Variants in PPEF1 observed in about 807,000 individuals in gnomAD.
The protein encoded by PPEF1 is protein phosphatase with EF-hand domain 1.
Under a neutral mutation model 53.3 loss-of-function variants are expected in PPEF1, and 12 were observed. The ratio of observed to expected loss-of-function variants is 0.23; its 90% CI spans 0.14 to 0.36. The LOEUF (loss-of-function observed/expected upper bound fraction) is 0.36. PPEF1 is among the 10% of genes least tolerant of loss of function. The pLI, the probability that PPEF1 is intolerant of heterozygous loss-of-function variation, is 1.00. For missense variants in PPEF1, 334 were observed against 490.4 expected, an observed-to-expected ratio of 0.68 and a Z score of 3.01; for synonymous variants, 165 against 176.7, an observed-to-expected ratio of 0.93 and a Z score of 0.52.
intron 5 of PPEF1, among the ~76,000 whole-genome samples, chrX:18,759,872 A>G (rs2045623528): frequency 8.9e-6 from 1 of 112,354 alleles, no homozygotes; most frequent in Non-Finnish European, 1.9e-5. Flanking sequence ...ATTAAATTGT[A>G]TAGTAATTAA....
intron 10 of PPEF1, among the ~76,000 whole-genome samples, chrX:18,791,829 G>A (rs1171527113): frequency 1.8e-5 from 2 of 111,983 alleles, no homozygotes; most frequent in African/African-American, 6.5e-5. Flanking sequence ...GTTTGTAGTG[G>A]CCTTTTATTA....
chrX:18,763,072 G>A (rs983191719), intron 6 of PPEF1, among the ~76,000 whole-genome samples: 3 of 111,881 alleles, frequency 2.7e-5, no homozygotes, highest in Non-Finnish European at 5.6e-5. Flanking sequence ...ATATGTCTAC[G>A]TGTAAGTGTG....
intron 10 of PPEF1, among the ~76,000 whole-genome samples, chrX:18,797,732 C>T (rs768074372): frequency 1.8e-5 from 2 of 111,346 alleles, no homozygotes; most frequent in African/African-American, 3.3e-5. Flanking sequence ...GACGGAGTCT[C>T]GTTCTGTCGC....
At chrX:18,721,033 C>G (rs2044579447) in intron 1 of PPEF1, among the ~76,000 whole-genome samples, 1 of 111,449 alleles carries the variant, frequency 9.0e-6, no homozygotes, top group South Asian at 3.8e-4. Context: ...ATCTCCCAGC[C>G]TCCAGTTTTA....
chrX:18,720,601 A>C (rs1165458187), intron 1 of PPEF1, among the ~76,000 whole-genome samples: 1 of 111,563 alleles, frequency 9.0e-6, no homozygotes, highest in Non-Finnish European at 1.9e-5. Flanking sequence ...CAAAAAAAAA[A>C]CAAAAATTTC....
intron 9 of PPEF1, among the ~76,000 whole-genome samples, chrX:18,784,376 G>T (rs1308671947): frequency 2.7e-5 from 3 of 111,247 alleles, no homozygotes; most frequent in African/African-American, 6.5e-5. Context: ...CATTTATATT[G>T]TGGTAAAATA....
chrX:18,713,479 A>G (rs2044374700), intron 1 of PPEF1, among the ~76,000 whole-genome samples: 2 of 100,224 alleles, frequency 2.0e-5, no homozygotes, highest in African/African-American at 7.4e-5. Flanking sequence ...GGGCAAACCC[A>G]TATGGAGTGC....
intron 10 of PPEF1, among the ~76,000 whole-genome samples, chrX:18,793,040 A>G (rs1333758357): frequency 9.3e-6 from 1 of 107,897 alleles, no homozygotes; most frequent in African/African-American, 3.4e-5. Flanking sequence ...CTGCCTCATA[A>G]TCTTTATCAT....
chrX:18,797,167 A>T (rs1402011832), intron 10 of PPEF1, among the ~76,000 whole-genome samples: 1 of 112,327 alleles, frequency 8.9e-6, no homozygotes, highest in East Asian at 2.8e-4. Context: ...TTCCTGGTAC[A>T]TAGTGGATAA....
intron 13 of PPEF1, 49 bp downstream of exon 13, chrX:18,818,194 T>C: frequency 1.2e-6 from 1 of 826,145 alleles, no homozygotes; most frequent in Non-Finnish European, 1.7e-6. Context: ...CCAAGTTACA[T>C]ACAGATCACT....
intron 10 of PPEF1, among the ~76,000 whole-genome samples, chrX:18,797,460 G>A (rs1012132635): frequency 1.8e-5 from 2 of 110,828 alleles, no homozygotes; most frequent in African/African-American, 6.6e-5. Context: ...GGCCAGAAAG[G>A]TTTCAAAAAT....
intron 5 of PPEF1, among the ~76,000 whole-genome samples, chrX:18,760,998 C>CT (rs757376608): frequency 1.8e-5 from 2 of 110,258 alleles, no homozygotes; most frequent in East Asian, 5.7e-4. Context: ...CCAGGCTGGT[C>CT]TTGAACTCCT....
chrX:18,776,779 G>A (rs767416075), intron 6 of PPEF1, among the ~76,000 whole-genome samples: 5 of 111,187 alleles, frequency 4.5e-5, no homozygotes, highest in Non-Finnish European at 7.5e-5. Context: ...AATTAGCCAG[G>A]CGTGGTGGCA....
intron 3 of PPEF1, among the ~76,000 whole-genome samples, chrX:18,741,548 A>G (rs2045161535): frequency 9.0e-6 from 1 of 111,259 alleles, no homozygotes; most frequent in Non-Finnish European, 1.9e-5. Context: ...ATGACTCAGT[A>G]CATTTTCTCA....
chrX:18,784,823 G>A (rs1245296752), intron 9 of PPEF1, among the ~76,000 whole-genome samples: 1 of 111,286 alleles, frequency 9.0e-6, no homozygotes, highest in Non-Finnish European at 1.9e-5. Flanking sequence ...TGGTGACTGT[G>A]AAGATCTCAC....
At chrX:18,733,842 A>G (rs2044897599) in intron 3 of PPEF1, 34 bp downstream of exon 3, 2 of 1,067,978 alleles carry the variant, frequency 1.9e-6, no homozygotes, top group Non-Finnish European at 2.5e-6. Flanking sequence ...CAAATGTGTC[A>G]TTAAATATTG....
chrX:18,731,021 G>C (rs1423882088), intron 2 of PPEF1, among the ~76,000 whole-genome samples: 1 of 112,291 alleles, frequency 8.9e-6, no homozygotes, highest in Admixed American at 9.5e-5. Flanking sequence ...GGCCAAGGAA[G>C]GCCTTTTTAA....
intron 1 of PPEF1, among the ~76,000 whole-genome samples, chrX:18,720,317 C>T (rs184905355): frequency 2.1e-4 from 23 of 111,782 alleles, no homozygotes; most frequent in South Asian, 1.1e-3. Flanking sequence ...TTCAGCCGGG[C>T]GCAGTGGCTC....
chrX:18,735,608 T>C (rs1332779458), intron 3 of PPEF1, among the ~76,000 whole-genome samples: 2 of 111,931 alleles, frequency 1.8e-5, no homozygotes, highest in Non-Finnish European at 3.8e-5. Context: ...CTTGGCAATG[T>C]GGGCTCTTTT....
Sources: gnomAD v4.1 joint callset for allele counts (sites outside exome capture counted in the v4.1 genomes callset) on GRCh38, gnomAD v4.1.1 for gene constraint, MANE v1.5 for transcripts, NCBI Gene and HGNC (gene_info 2026-07-23, HGNC 2026-07-21) for gene names.